The following TNPO2 variants were observed in gnomAD, a reference collection of about 807,000 sequenced individuals.
TNPO2 encodes transportin-2.
A neutral mutation model predicts 111.1 loss-of-function variants in TNPO2; 16 were observed. That is an observed-to-expected ratio of 0.14 (90% confidence interval 0.10 to 0.22). The LOEUF (loss-of-function observed/expected upper bound fraction) is 0.22. Among genes scored for constraint, TNPO2 ranks in the 10% least tolerant of loss-of-function variants. The pLI, the probability that TNPO2 is intolerant of heterozygous loss-of-function variation, is 1.00. For synonymous variants in TNPO2, 481 were observed against 475.8 expected (o/e 1.01, Z -0.14); for missense variants, 530 against 1,173.7 (o/e 0.45, Z 8.01).
Position 12,701,335 on chromosome 19 carries a change from T to C in TNPO2, c.*11A>G, listed in dbSNP as rs781740087. 5.0e-6 allele frequency: 8 copies of C among 1,609,580 alleles called. No individual in the cohort carries two copies. Among genetic ancestry groups the C allele is most frequent in the Non-Finnish European group, 6.8e-6 (8 of 1,176,364 alleles). ...GCTGCAGTCTCCTTACCTGGCAGTC[T>C]CCATGATCACCTAGACCCCATAGAA... On this transcript the variant is annotated 3_prime_UTR_variant, in exon 25 of 26. Transcript: ENST00000425528. The surrounding 1 kb of genome is among the most constrained non-coding windows in gnomAD (Gnocchi z 5.0).
chr19:12,707,556 C>G (rs547561822), intron 13 of TNPO2, among the ~76,000 whole-genome samples: 263 of 117,186 alleles, frequency 2.2e-3, no homozygotes, highest in African/African-American at 8.4e-3. Context: ...GTGGTGTGAT[C>G]TGGGCTCACT....
At chr19:12,711,020 G>T (rs1294152348) in intron 12 of TNPO2, among the ~76,000 whole-genome samples, 1 of 151,988 alleles carries the variant, frequency 6.6e-6, no homozygotes, top group Non-Finnish European at 1.5e-5. Context: ...TCAGCCTCCC[G>T]AGTAGCTGGG....
At chr19:12,712,867 G>A (rs921823849) in intron 10 of TNPO2, among the ~76,000 whole-genome samples, 3 of 152,008 alleles carry the variant, frequency 2.0e-5, no homozygotes, top group East Asian at 1.9e-4. Flanking sequence ...CTCTCTCATC[G>A]CCGCACACAG....
chr19:12,722,551 G>A (rs1967054915), intron 2 of TNPO2: 1 of 84,214 alleles, frequency 1.2e-5, no homozygotes. Flanking sequence ...GGGAGCCAAA[G>A]AGAGAGAATT....
At position 12,719,397 on chromosome 19, in the gene TNPO2, A is replaced by G; in HGVS notation, c.100-61T>C. On this transcript the variant is annotated intron_variant, in intron 3 of 25. Transcript: ENST00000425528. The surrounding 1 kb of genome is among the most constrained non-coding windows in gnomAD (Gnocchi z 5.0). ...CTTCCCCCAGCCAGGTCCCCTCATT[A>G]TGTACCTGACACTATCTCTGACCAC... 3.5e-6 allele frequency: 5 copies of G among 1,433,830 alleles called. No homozygotes were observed. Among genetic ancestry groups the G allele is most frequent in the Non-Finnish European group, 4.9e-6 (5 of 1,023,682 alleles). 88.8% of individuals were successfully genotyped at this position (1,433,830 alleles called of 1,614,324 possible).
rs541143264 is a variant in TNPO2, at chr19:12,701,767, C to G, written c.2496G>C (p.Pro832=). Residue 832 remains proline (P), a synonymous_variant, in exon 23 of 26, where the codon CCG becomes CCC. Coordinates refer to ENST00000425528, the MANE Select transcript of TNPO2 (RefSeq NM_001382241.1). This position sits in a 1 kb window ranked among gnomAD's most constrained non-coding sequence, Gnocchi z 5.0. ...CTGCCCCAACCTGCACAACGCCCCC[C>G]GGGTTGACACCGATCATCATGCAGA... ...RGICMMIGVN[P]GGVVQDFIFF... The G allele has an allele frequency of 5.6e-6, 9 of 1,613,708 alleles. No individual in the cohort carries two copies. The highest frequency in any genetic ancestry group is 2.2e-5 in the South Asian group (2 of 91,094).
chr19:12,702,477 C>T lies in TNPO2; in HGVS notation c.2306-300G>A. ...TGGCATGATCTTGGCTCATTGCAAC[C>T]TGCCTCAGCCTCCCGAGTAGCTGGG... On this transcript the variant is annotated intron_variant, in intron 21 of 25. Coordinates refer to ENST00000425528, the MANE Select transcript of TNPO2 (RefSeq NM_001382241.1). This position sits in a 1 kb window ranked among gnomAD's most constrained non-coding sequence, Gnocchi z 5.5. 1.8e-6 allele frequency: 1 copy of T among 571,260 alleles called. No homozygotes were observed. The highest frequency in any genetic ancestry group is 3.2e-6 in the Non-Finnish European group (1 of 314,456). 35.4% of individuals were successfully genotyped at this position (571,260 alleles called of 1,614,324 possible).
intron 1 of TNPO2, 126 bp from the exon 2 acceptor site, chr19:12,723,491 A>AATGGGT (rs1434790401): frequency 6.6e-6 from 1 of 152,044 alleles, no homozygotes; most frequent in Non-Finnish European, 1.5e-5. Context: ...CCACTTGTCA[A>AATGGGT]ATGGGTATAA....
intron 3 of TNPO2, among the ~76,000 whole-genome samples, chr19:12,720,636 AGT>A (rs1309290077): frequency 6.6e-6 from 1 of 152,172 alleles, no homozygotes; most frequent in Non-Finnish European, 1.5e-5. Context: ...CTACTTTAAT[AGT>A]TAATGGAGTA....
Position 12,719,417 on chromosome 19 carries a change from G to T in TNPO2, c.100-81C>A. ...TCATTATGTACCTGACACTATCTCTGACCACTGGGACCAGGCTGCCAGCTC... is the reference window on the plus strand; with the variant it reads ...TCATTATGTACCTGACACTATCTCTTACCACTGGGACCAGGCTGCCAGCTC... On this transcript the variant is annotated intron_variant, in intron 3 of 25. Transcript: ENST00000425528. The surrounding 1 kb of genome is among the most constrained non-coding windows in gnomAD (Gnocchi z 5.0). 1 of 1,208,454 alleles carries T rather than the reference G, an allele frequency of 8.3e-7. No individual in the cohort carries two copies. The highest frequency in any genetic ancestry group is 1.2e-6 in the Non-Finnish European group (1 of 827,350). 74.9% of individuals were successfully genotyped at this position (1,208,454 alleles called of 1,614,324 possible). A position where few individuals can be genotyped will look rare whatever the true frequency, so the allele number is the denominator to read the frequency against.
In TNPO2 at chr19:12,705,619, G is replaced by A; in HGVS notation, c.1756-20C>T. 1 of 1,586,416 alleles carries A rather than the reference G, an allele frequency of 6.3e-7. No individual in the cohort carries two copies. Among genetic ancestry groups the A allele is most frequent in the Non-Finnish European group, 8.6e-7 (1 of 1,166,318 alleles). On this transcript the variant is annotated intron_variant, in intron 16 of 25. Coordinates refer to ENST00000425528, the MANE Select transcript of TNPO2 (RefSeq NM_001382241.1). This position sits in a 1 kb window ranked among gnomAD's most constrained non-coding sequence, Gnocchi z 7.2. The stretch of plus-strand genomic sequence containing the variant: ...CAGACACTGGCAGGGAGGAAGGCAG[G>A]TGGGGAGAACTCAGGCAGGGTGGGC...
rs542133353 is a variant in TNPO2 at position 12,711,110 on chromosome 19, G to A, written c.1117+186C>T. On this transcript the variant is annotated intron_variant, in intron 12 of 25. Coordinates refer to ENST00000425528, the MANE Select transcript of TNPO2 (RefSeq NM_001382241.1). ...GGGGTTTCACTGTGTTAGCCAGGAT[G>A]GTGTTGATCTCCTGACCTCGTGATC... 1.8e-3 allele frequency: 1,260 copies of A among 709,008 alleles called. 5 individuals are homozygous for A. The highest frequency in any genetic ancestry group is 2.4e-3 in the South Asian group (134 of 54,812). 43.9% of individuals were successfully genotyped at this position (709,008 alleles called of 1,614,324 possible). A position where few individuals can be genotyped will look rare whatever the true frequency, so the allele number is the denominator to read the frequency against.
intron 2 of TNPO2, among the ~76,000 whole-genome samples, chr19:12,722,978 A>G (rs970949657): frequency 1.3e-5 from 2 of 152,036 alleles, no homozygotes; most frequent in African/African-American, 4.8e-5. Flanking sequence ...CCCCATCCAG[A>G]GGTACTTGGG....
intron 10 of TNPO2, among the ~76,000 whole-genome samples, chr19:12,712,761 T>TG (rs1568336565): frequency 6.6e-6 from 1 of 152,072 alleles, no homozygotes; most frequent in Non-Finnish European, 1.5e-5. Flanking sequence ...GCCAGACATT[T>TG]GGGGTCACTA....
chr19:12,715,708 A>G lies in TNPO2; in HGVS notation c.357T>C (p.Gly119=). The G allele has an allele frequency of 6.2e-7, 1 of 1,613,168 alleles. No homozygotes were observed. Reference sequence around the variant, plus strand: ...GCAGCTCGGGCCACATCTGCAGCTCACCCTTGGAAGCGATGGTGGTGATGA... The same window carrying G: ...GCAGCTCGGGCCACATCTGCAGCTCGCCCTTGGAAGCGATGGTGGTGATGA... ...GILITTIASK[G]ELQMWPELLP... Residue 119 remains glycine, a synonymous_variant, in exon 6 of 26, where the codon GGT becomes GGC. Transcript: ENST00000425528. This position sits in a 1 kb window ranked among gnomAD's most constrained non-coding sequence, Gnocchi z 7.1.
At chr19:12,718,237 C>G (rs1180861841) in intron 5 of TNPO2, among the ~76,000 whole-genome samples, 3 of 151,948 alleles carry the variant, frequency 2.0e-5, no homozygotes, top group Non-Finnish European at 4.4e-5. Flanking sequence ...GCCATCTCGC[C>G]TCACTGTAAC....
chr19:12,708,088 C>T (rs960351529), intron 13 of TNPO2, among the ~76,000 whole-genome samples: 6 of 152,196 alleles, frequency 3.9e-5, no homozygotes, highest in Admixed American at 6.5e-5. Flanking sequence ...TCCCAAAGTG[C>T]TGGGATTACA....
At chr19:12,708,752 T>C (rs1425475009) in intron 13 of TNPO2, among the ~76,000 whole-genome samples, 1 of 152,016 alleles carries the variant, frequency 6.6e-6, no homozygotes, top group Admixed American at 6.6e-5. Context: ...ACACCTGTAA[T>C]TCCAACTACT....
At position 12,715,604 on chromosome 19, in the gene TNPO2, G is replaced by A. The variant is rs575858673; in HGVS notation, c.432+29C>T. On this transcript the variant is annotated intron_variant, in intron 6 of 25. Transcript: ENST00000425528. This position sits in a 1 kb window ranked among gnomAD's most constrained non-coding sequence, Gnocchi z 7.1. Reference sequence around the variant, plus strand: ...TGGTGGTCCCAGCCCCCCAGTACTCGCTCTGGCCATCCATGGCTTCTTGCC... The same window carrying A: ...TGGTGGTCCCAGCCCCCCAGTACTCACTCTGGCCATCCATGGCTTCTTGCC... The A allele has an allele frequency of 1.2e-5, 20 of 1,613,606 alleles. No individual in the cohort carries two copies. Among genetic ancestry groups the A allele is most frequent in the Admixed American group, 8.3e-5 (5 of 59,964 alleles).
Sources: gnomAD v4.1 joint callset for allele counts (sites outside exome capture counted in the v4.1 genomes callset) on GRCh38, gnomAD v4.1.1 for gene constraint, Gnocchi (gnomAD v3.1) non-coding constraint, MANE v1.5 for transcripts, NCBI Gene and HGNC (gene_info 2026-07-23, HGNC 2026-07-21) for gene names.